The following KCNJ6 variants were observed in gnomAD, a reference collection of about 807,000 sequenced individuals.
KCNJ6 encodes the protein G protein-activated inward rectifier potassium channel 2.
Under a neutral mutation model 34.2 loss-of-function variants are expected in KCNJ6, and 9 were observed. The observed-to-expected ratio is 0.26, with a 90% confidence interval of 0.16 to 0.46. KCNJ6 has a LOEUF of 0.46. KCNJ6 is among the 20% of genes least tolerant of loss of function. The probability of loss-of-function intolerance (pLI) is 1.00; values close to 1 mark genes in which losing one functional copy is unlikely to be tolerated. For synonymous variants in KCNJ6, 196 were observed against 207.1 expected, an observed-to-expected ratio of 0.95 and a Z score of 0.46; for missense variants, 236 against 531.3, an observed-to-expected ratio of 0.44 and a Z score of 5.46.
intron 2 of KCNJ6, among the ~76,000 whole-genome samples, chr21:37,831,687 C>G (rs2055426705): frequency 6.6e-6 from 1 of 152,184 alleles, no homozygotes; most frequent in Non-Finnish European, 1.5e-5. Context: ...GCTGGCAACT[C>G]AAAACCTGCA....
chr21:37,711,559 T>G (rs1367043150), intron 3 of KCNJ6, among the ~76,000 whole-genome samples: 1 of 152,244 alleles, frequency 6.6e-6, no homozygotes, highest in East Asian at 1.9e-4. Flanking sequence ...TTTGTTTTCC[T>G]CGAGTGTGCA....
chr21:37,617,849 C>T lies in KCNJ6; in HGVS notation c.*7310G>A, dbSNP rs1426562526. On this transcript the variant is annotated 3_prime_UTR_variant, in exon 4 of 4. Coordinates refer to ENST00000609713, the MANE Select transcript of KCNJ6 (RefSeq NM_002240.5). ...AGGGCACCCCTGTGCTTAGCAGATG[C>T]TAAAGGTCTTAATTTAGTCATCATT... is the stretch of plus-strand genomic sequence containing the variant. The T allele has an allele frequency of 6.6e-6, 1 of 152,216 alleles. No homozygotes were observed. The highest frequency in any genetic ancestry group is 1.5e-5 in the Non-Finnish European group (1 of 68,040). 9.4% of individuals were successfully genotyped at this position (152,216 alleles called of 1,614,324 possible). A position where few individuals can be genotyped will look rare whatever the true frequency, so the allele number is the denominator to read the frequency against.
chr21:37,881,171 A>G (rs1232382581), intron 1 of KCNJ6, among the ~76,000 whole-genome samples: 2 of 152,142 alleles, frequency 1.3e-5, no homozygotes, highest in Admixed American at 1.3e-4. Context: ...TGAGCCTAGC[A>G]CAAGCTGGGA....
intron 1 of KCNJ6, among the ~76,000 whole-genome samples, chr21:37,854,046 T>C (rs536572907): frequency 3.6e-4 from 53 of 147,790 alleles, no homozygotes; most frequent in African/African-American, 1.2e-3. Flanking sequence ...AAAAAACAAA[T>C]AGAAAACAAA....
chr21:37,840,314 C>T (rs763626453), intron 2 of KCNJ6, among the ~76,000 whole-genome samples: 1 of 152,150 alleles, frequency 6.6e-6, no homozygotes, highest in Non-Finnish European at 1.5e-5. Context: ...GGAATAGATG[C>T]CCAGAAAAAA....
At chr21:37,705,094 G>T (rs2054712707) in intron 3 of KCNJ6, among the ~76,000 whole-genome samples, 3 of 152,220 alleles carry the variant, frequency 2.0e-5, no homozygotes, top group South Asian at 2.1e-4. Flanking sequence ...AGTCAGGAAA[G>T]GGGAGCCCAG....
chr21:37,828,296 T>A (rs887194450), intron 2 of KCNJ6, among the ~76,000 whole-genome samples: 2 of 152,028 alleles, frequency 1.3e-5, no homozygotes, highest in Non-Finnish European at 1.5e-5. Flanking sequence ...CGCCTTGACT[T>A]TTTCCTCTCT....
chr21:37,766,124 A>G (rs1305418371), intron 2 of KCNJ6, among the ~76,000 whole-genome samples: 2 of 152,190 alleles, frequency 1.3e-5, no homozygotes, highest in Non-Finnish European at 2.9e-5. Context: ...CATCCCACAC[A>G]ACATGTTCAT....
chr21:37,824,806 A>AATTG (rs1227611364), intron 2 of KCNJ6, among the ~76,000 whole-genome samples: 2 of 151,246 alleles, frequency 1.3e-5, no homozygotes, highest in East Asian at 3.9e-4. Flanking sequence ...AGTCAATTAA[A>AATTG]CCTCTTTTCT....
intron 1 of KCNJ6, among the ~76,000 whole-genome samples, chr21:37,853,851 T>TATATATATATATATAC (rs2055550482): frequency 7.1e-6 from 1 of 141,544 alleles, no homozygotes; most frequent in Non-Finnish European, 1.5e-5. Flanking sequence ...TATATGTATA[T>TATATATATATATATAC]ATATATATAT....
At chr21:37,892,914 G>A (rs2055769265) in intron 1 of KCNJ6, among the ~76,000 whole-genome samples, 1 of 149,776 alleles carries the variant, frequency 6.7e-6, no homozygotes, top group Admixed American at 6.7e-5. Context: ...ATGCAGTGGT[G>A]TGATCTCGGC....
chr21:37,833,591 G>A (rs1231157671), intron 2 of KCNJ6, among the ~76,000 whole-genome samples: 1 of 152,106 alleles, frequency 6.6e-6, no homozygotes, highest in Non-Finnish European at 1.5e-5. Flanking sequence ...CCGAGACTGT[G>A]GGGGTCCCAG....
chr21:37,858,736 T>G (rs1166025351), intron 1 of KCNJ6, among the ~76,000 whole-genome samples: 1 of 152,160 alleles, frequency 6.6e-6, no homozygotes, highest in Non-Finnish European at 1.5e-5. Context: ...AGAGATATCT[T>G]AAAGATGCAA....
intron 2 of KCNJ6, among the ~76,000 whole-genome samples, chr21:37,807,343 A>G (rs186839554): frequency 9.8e-5 from 15 of 152,350 alleles, no homozygotes; most frequent in Admixed American, 2.0e-4. Flanking sequence ...CAAACCATTA[A>G]AAAGAAATGT....
chr21:37,690,570 A>G (rs761073431), intron 3 of KCNJ6, among the ~76,000 whole-genome samples: 1 of 152,188 alleles, frequency 6.6e-6, no homozygotes, highest in Non-Finnish European at 1.5e-5. Context: ...CAAAGGCCTA[A>G]GAGTATTTTC....
chr21:37,660,256 G>A (rs1258617570), intron 3 of KCNJ6, among the ~76,000 whole-genome samples: 1 of 152,202 alleles, frequency 6.6e-6, no homozygotes, highest in African/African-American at 2.4e-5. Context: ...ACCAAGAAAG[G>A]CCATGTTTTA....
intron 3 of KCNJ6, among the ~76,000 whole-genome samples, chr21:37,677,230 C>A (rs148462894): frequency 6.6e-6 from 1 of 152,178 alleles, no homozygotes; most frequent in African/African-American, 2.4e-5. Flanking sequence ...AGGGAGAGGA[C>A]TCCGGTACAC....
intron 1 of KCNJ6, among the ~76,000 whole-genome samples, chr21:37,874,809 C>G (rs2055669687): frequency 6.6e-6 from 1 of 152,182 alleles, no homozygotes; most frequent in African/African-American, 2.4e-5. Context: ...TTAGAAAGCC[C>G]TTTAAACACA....
intron 3 of KCNJ6, among the ~76,000 whole-genome samples, chr21:37,638,835 T>C (rs980080794): frequency 8.5e-5 from 13 of 152,246 alleles, no homozygotes; most frequent in African/African-American, 2.9e-4. Flanking sequence ...ATTCTATATT[T>C]GTATCTTCCT....
Sources: gnomAD v4.1 joint callset for allele counts (sites outside exome capture counted in the v4.1 genomes callset) on GRCh38, gnomAD v4.1.1 for gene constraint, MANE v1.5 for transcripts, NCBI Gene and HGNC (gene_info 2026-07-23, HGNC 2026-07-21) for gene names.